Variants in SPINK1 observed in about 807,000 individuals in gnomAD.
SPINK1 encodes serine peptidase inhibitor Kazal type 1, also known as serine protease inhibitor Kazal-type 1.
SPINK1 carries 5 observed loss-of-function variants against 9.5 expected under a neutral mutation model. That is an observed-to-expected ratio of 0.52 (90% CI 0.27 to 1.10). The LOEUF is 1.10. Among genes scored for constraint, SPINK1 ranks in the 50% least tolerant of loss-of-function variants. SPINK1 has a pLI of 0.11. For missense variants in SPINK1, 88 were observed against 92.7 expected (o/e 0.95, Z 0.21); for synonymous variants, 37 against 32.3 (o/e 1.14, Z -0.49).
chr5:147,837,576 A>T, the SPINK1 span, among the ~76,000 whole-genome samples: 1 of 151,906 alleles, frequency 6.6e-6, no homozygotes, highest in African/African-American at 2.4e-5. Flanking sequence ...CTCTTTCCTT[A>T]TATTGGTGTA....
intron 3 of SPINK1, among the ~76,000 whole-genome samples, chr5:147,826,646 A>G (rs1580940709): frequency 6.6e-6 from 1 of 152,322 alleles, no homozygotes; most frequent in East Asian, 1.9e-4. Context: ...TGTCAAGAAC[A>G]TGGGTCATGA....
At chr5:147,835,304 G>A (rs563299518), upstream of SPINK1, among the ~76,000 whole-genome samples, 1 of 152,172 alleles carries the variant, frequency 6.6e-6, no homozygotes, top group East Asian at 1.9e-4. Flanking sequence ...TTCCTCACAT[G>A]TCCAGGAATT....
chr5:147,837,649 T>TTTTTTTCTTTC, the SPINK1 span, among the ~76,000 whole-genome samples: 5 of 107,032 alleles, frequency 4.7e-5, no homozygotes, highest in Non-Finnish European at 5.6e-5. Context: ...CATTAACTTC[T>TTTTTTTCTTTC]TTTCTTTCTT....
chr5:147,828,138 G>A lies in SPINK1; in HGVS notation c.88-10C>T. 1 of 1,585,326 alleles carries A rather than the reference G, an allele frequency of 6.3e-7. No individual in the cohort carries two copies. Among genetic ancestry groups the A allele is most frequent in the Non-Finnish European group, 8.7e-7 (1 of 1,155,660 alleles). On this transcript the variant is annotated splice_polypyrimidine_tract_variant and intron_variant, in intron 2 of 3. Coordinates refer to ENST00000296695, the MANE Select transcript of SPINK1 (RefSeq NM_001379610.1). ...CATTGTAACATTTGGCCTAAAAATG[G>A]AATTAAACAGAATCATTTCCCATTA...
At chr5:147,836,935 A>T in the SPINK1 span, among the ~76,000 whole-genome samples, 1 of 152,258 alleles carries the variant, frequency 6.6e-6, no homozygotes, top group East Asian at 1.9e-4. Flanking sequence ...TCTTTCCCTA[A>T]AATAAATTCT....
chr5:147,832,063 T>A (rs920394259), upstream of SPINK1, among the ~76,000 whole-genome samples: 1 of 152,208 alleles, frequency 6.6e-6, no homozygotes, highest in African/African-American at 2.4e-5. Flanking sequence ...TTCTTATTCT[T>A]CTTTCTCTTT....
Position 147,831,545 on chromosome 5 carries a change from G to A in SPINK1, c.33C>T (p.Ala11=), listed in dbSNP as rs147454311. The change falls in exon 1 of 4, where the codon GCC becomes GCT. Residue 11 remains alanine (A), a synonymous_variant. Transcript: ENST00000296695. The part of the protein sequence containing the change: MKVTGIFLLS[A]LALLSLSGNT... ...TACCAGATAGACTCAACAGGGCCAA[G>A]GCACTGAGAAGAAAGATGCCTGTTA... The A allele has an allele frequency of 9.6e-5, 155 of 1,613,690 alleles. 1 individual carries two copies. The African/African-American group carries it at 1.7e-3, about 18-fold the overall frequency.
chr5:147,828,279 GA>G (rs1756448022), intron 2 of SPINK1, 151 bp from the exon 3 acceptor site: 1 of 736,594 alleles, frequency 1.4e-6, no homozygotes, highest in African/African-American at 1.7e-5. Context: ...ACTATCTGGA[GA>G]CAGAAAACCT....
the SPINK1 span, among the ~76,000 whole-genome samples, chr5:147,837,701 CTTTCT>C: frequency 3.6e-5 from 5 of 140,294 alleles, no homozygotes; most frequent in African/African-American, 1.3e-4. Flanking sequence ...TTCTTTCTTT[CTTTCT>C]TTCTTTCTTT....
the SPINK1 span, among the ~76,000 whole-genome samples, chr5:147,837,705 C>CTTTCTTTCTTTCTTTCT: frequency 7.7e-6 from 1 of 130,082 alleles, no homozygotes; most frequent in Admixed American, 7.6e-5. Flanking sequence ...TTCTTTCTTT[C>CTTTCTTTCTTTCTTTCT]TTTCTTTCTT....
intron 1 of SPINK1, among the ~76,000 whole-genome samples, chr5:147,829,887 G>T (rs542153500): frequency 6.6e-6 from 1 of 152,160 alleles, no homozygotes; most frequent in Non-Finnish European, 1.5e-5. Flanking sequence ...TTAGGAAGTT[G>T]ATCTATTTCC....
upstream of SPINK1, among the ~76,000 whole-genome samples, chr5:147,835,509 C>G (rs1010783597): frequency 2.0e-5 from 3 of 152,088 alleles, no homozygotes; most frequent in African/African-American, 7.2e-5. Flanking sequence ...ATTGCTCAAC[C>G]TTGTGTACAT....
upstream of SPINK1, among the ~76,000 whole-genome samples, chr5:147,833,903 G>A (rs1036011649): frequency 3.3e-5 from 5 of 151,962 alleles, no homozygotes; most frequent in Non-Finnish European, 5.9e-5. Flanking sequence ...TCCTTGCTAC[G>A]TTGGTCATTT....
chr5:147,825,446 T>A (rs1756384903), intron 3 of SPINK1, among the ~76,000 whole-genome samples: 1 of 151,310 alleles, frequency 6.6e-6, no homozygotes, highest in Non-Finnish European at 1.5e-5. Context: ...TTTTTTTCTT[T>A]TTTTTCTTTT....
chr5:147,829,562 C>T, intron 2 of SPINK1, 37 bp downstream of exon 2: 1 of 1,604,336 alleles, frequency 6.2e-7, no homozygotes, highest in South Asian at 1.1e-5. Context: ...CAAACTGTTC[C>T]AGTCTGAGAA....
chr5:147,829,701 C>A, intron 1 of SPINK1, 71 bp from the exon 2 acceptor site: 4 of 1,421,206 alleles, frequency 2.8e-6, no homozygotes, highest in Admixed American at 1.7e-5. Context: ...CATCAGAATT[C>A]TCTGCTTTCA....
At chr5:147,834,168 C>T (rs746191744), upstream of SPINK1, among the ~76,000 whole-genome samples, 3 of 152,062 alleles carry the variant, frequency 2.0e-5, no homozygotes, top group Non-Finnish European at 4.4e-5. Context: ...GGAGTAAATA[C>T]AGTTGCTTTA....
At chr5:147,833,497 C>T (rs1370722943), upstream of SPINK1, among the ~76,000 whole-genome samples, 1 of 152,104 alleles carries the variant, frequency 6.6e-6, no homozygotes, top group Non-Finnish European at 1.5e-5. Context: ...AAGCCCAAAC[C>T]TCGTTGTTCT....
chr5:147,829,615 T>G lies in SPINK1; in HGVS notation c.71A>C (p.Asp24Ala), dbSNP rs766778368. The stretch of plus-strand genomic sequence containing the variant: ...TCTCTTTACCTCTCTTCCCAGGGAG[T>G]CAGCTCCAGTGTTACCTAGAAATAA... ...LLSLSGNTGA[D>A]SLGREAKCYN... Residue 24 changes from aspartate to alanine, a missense_variant, in exon 2 of 4, where the codon GAC becomes GCC. Coordinates refer to ENST00000296695, the MANE Select transcript of SPINK1 (RefSeq NM_001379610.1). 4.3e-6 allele frequency: 7 copies of G among 1,612,582 alleles called. No homozygotes were observed. The highest frequency in any genetic ancestry group is 5.9e-6 in the Non-Finnish European group (7 of 1,179,026).
Sources: allele counts gnomAD v4.1 joint callset (sites outside exome capture counted in the v4.1 genomes callset), GRCh38; gene constraint gnomAD v4.1.1; transcripts MANE v1.5; gene names NCBI Gene and HGNC (gene_info 2026-07-23, HGNC 2026-07-21).